Variants in ALMS1 observed in about 807,000 individuals in gnomAD.
The protein encoded by ALMS1 is centrosome-associated protein ALMS1.
In ALMS1, 271 loss-of-function variants were observed where a neutral mutation model predicts 352.2. The observed-to-expected ratio is 0.77, with a 90% CI of 0.70 to 0.85. The LOEUF (loss-of-function observed/expected upper bound fraction) is 0.85. Ranked by LOEUF, ALMS1 falls within the 40% of genes least tolerant of loss-of-function variation. ALMS1 has a pLI of 0.00. For synonymous variants in ALMS1, 1,865 were observed against 1,761.2 expected, an observed-to-expected ratio of 1.06 and a Z score of -1.48; for missense variants, 5,445 against 4,870.7, an observed-to-expected ratio of 1.12 and a Z score of -3.51.
intron 9 of ALMS1, chr2:73,458,814 G>T (rs1438980362): frequency 6.6e-6 from 1 of 152,190 alleles, no homozygotes. Flanking sequence ...GTTCTTGACG[G>T]GTAGTAAATG....
chr2:73,544,670 G>C (rs1674274774), intron 12 of ALMS1, among the ~76,000 whole-genome samples: 2 of 152,078 alleles, frequency 1.3e-5, no homozygotes, highest in Non-Finnish European at 2.9e-5. Flanking sequence ...ATTAAACATA[G>C]AATTATAGTA....
At chr2:73,592,228 C>G (rs149898077) in intron 16 of ALMS1, among the ~76,000 whole-genome samples, 1 of 152,314 alleles carries the variant, frequency 6.6e-6, no homozygotes, top group East Asian at 1.9e-4. Flanking sequence ...TTCTGATCAA[C>G]CACACTGGCA....
rs146669152 is a variant in ALMS1 at position 73,452,355 on chromosome 2, G to A, written c.5828G>A (p.Arg1943His). 151 of 1,613,690 alleles carry A rather than the reference G, an allele frequency of 9.4e-5. No homozygotes were observed. The East Asian group carries it at 3.1e-3, about 33-fold the overall frequency. Residue 1943 changes from arginine to histidine, a missense_variant, in exon 8 of 23, where the codon CGT becomes CAT. Transcript: ENST00000613296. ...IPTVPLSYYS[R>H]REKPSVISQQ... ...ACAGTACCTTTAAGTTACTACTCAC[G>A]TAGAGAGAAGCCCAGTGTTATCTCT...
intron 18 of ALMS1, 70 bp downstream of exon 18, chr2:73,600,951 TG>T: frequency 6.5e-7 from 1 of 1,532,376 alleles, no homozygotes; most frequent in Non-Finnish European, 8.9e-7. Context: ...ATGCTGACTC[TG>T]TGTTTCCAAG....
intron 1 of ALMS1, among the ~76,000 whole-genome samples, chr2:73,397,177 A>G (rs1670781218): frequency 6.6e-6 from 1 of 152,114 alleles, no homozygotes; most frequent in Non-Finnish European, 1.5e-5. Flanking sequence ...AAGTTGTCGC[A>G]TTGCACCTCC....
intron 1 of ALMS1, among the ~76,000 whole-genome samples, chr2:73,401,796 C>A (rs1670876955): frequency 6.6e-6 from 1 of 151,994 alleles, no homozygotes; most frequent in African/African-American, 2.4e-5. Context: ...ACTTGCTGAT[C>A]CATCATACCT....
At chr2:73,535,552 T>C (rs1490263753) in intron 12 of ALMS1, among the ~76,000 whole-genome samples, 1 of 152,192 alleles carries the variant, frequency 6.6e-6, no homozygotes, top group Non-Finnish European at 1.5e-5. Flanking sequence ...CACAACAGCA[T>C]TGAAAAGAAC....
chr2:73,419,416 C>A, intron 3 of ALMS1, 98 bp downstream of exon 3: 1 of 1,154,080 alleles, frequency 8.7e-7, no homozygotes, highest in Non-Finnish European at 1.3e-6. Flanking sequence ...AGTTAAGGAG[C>A]TCTGTAGAGA....
intron 21 of ALMS1, 141 bp downstream of exon 21, chr2:73,603,445 T>G (rs1282412437): frequency 4.0e-5 from 30 of 742,996 alleles, no homozygotes; most frequent in Non-Finnish European, 3.8e-5. Flanking sequence ...ATTTCTCACT[T>G]ATGGCACTGA....
rs749795126 is a variant in ALMS1, at chr2:73,557,209, C to CGT, written c.10079-10_10079-9dup. 3.1e-6 allele frequency: 5 copies of CGT among 1,613,864 alleles called. No individual in the cohort carries two copies. The highest frequency in any genetic ancestry group is 1.6e-4 in the Middle Eastern group (1 of 6,062). On this transcript the variant is annotated splice_polypyrimidine_tract_variant and intron_variant, in intron 13 of 22. Transcript: ENST00000613296. ...TTCCTTTTCTGAAATCAAATGATGTCGTTATTCCAGATGCCTCAGTTCAAG... is the reference window on the plus strand; with the variant it reads ...TTCCTTTTCTGAAATCAAATGATGTCGTGTTATTCCAGATGCCTCAGTTCAAG...
At chr2:73,530,822 C>A (rs1673894541) in intron 11 of ALMS1, among the ~76,000 whole-genome samples, 1 of 152,254 alleles carries the variant, frequency 6.6e-6, no homozygotes, top group Admixed American at 6.5e-5. Flanking sequence ...AGGCCCAACA[C>A]CACGTGAAAC....
At chr2:73,593,108 C>T (rs1477152423) in intron 16 of ALMS1, among the ~76,000 whole-genome samples, 3 of 32,552 alleles carry the variant, frequency 9.2e-5, no homozygotes, top group Non-Finnish European at 1.9e-4. Context: ...ATGAGGAGAT[C>T]ATTAGAGATG....
At chr2:73,458,758 G>C (rs1672125849) in intron 9 of ALMS1, 1 of 152,324 alleles carries the variant, frequency 6.6e-6, no homozygotes, top group South Asian at 2.1e-4. Flanking sequence ...CAGTGTGTTT[G>C]GAGAGTGAGA....
At chr2:73,389,765 C>T (rs1315381016) in intron 1 of ALMS1, among the ~76,000 whole-genome samples, 1 of 152,132 alleles carries the variant, frequency 6.6e-6, no homozygotes, top group African/African-American at 2.4e-5. Context: ...TCTTGGTTCA[C>T]TGCAACCTCT....
intron 1 of ALMS1, among the ~76,000 whole-genome samples, chr2:73,392,496 A>G (rs979484259): frequency 1.3e-5 from 2 of 152,134 alleles, no homozygotes; most frequent in African/African-American, 4.8e-5. Flanking sequence ...AACCCCATAC[A>G]CTTTAGCTGA....
rs746138259 is a variant in ALMS1 at position 73,550,276 on chromosome 2, A to G, written c.9917A>G (p.Asp3306Gly). 7.4e-6 allele frequency: 12 copies of G among 1,614,030 alleles called. No homozygotes were observed. In the South Asian group the frequency reaches 1.2e-4, roughly 16 times the overall value. Residue 3306 changes from aspartate to glycine, a missense_variant, in exon 13 of 23, where the codon GAT becomes GGT. Asp to Gly is a moderately conservative substitution (Grantham distance 94). Transcript: ENST00000613296. ...CCCCGTTTTTCTGTAGGATCCAATG[A>G]TGCCATTGCTCCAGACTTCCCAGCT... is the stretch of plus-strand genomic sequence containing the variant. ...TVESSHSGSNDAIAPDFPAQV... is the reference protein window; with the variant it reads ...TVESSHSGSNGAIAPDFPAQV...
chr2:73,386,489 G>T (rs919433151), intron 1 of ALMS1, among the ~76,000 whole-genome samples: 5 of 152,206 alleles, frequency 3.3e-5, no homozygotes, highest in African/African-American at 1.2e-4. Flanking sequence ...GACCACGGGT[G>T]TGTCGAGCCT....
intron 5 of ALMS1, among the ~76,000 whole-genome samples, chr2:73,425,153 G>A (rs1035464962): frequency 1.3e-4 from 20 of 152,022 alleles, no homozygotes; most frequent in African/African-American, 4.1e-4. Flanking sequence ...GAGGAAAAGG[G>A]GTTCCCTTGA....
chr2:73,406,306 T>G (rs1670970995), intron 1 of ALMS1, among the ~76,000 whole-genome samples: 1 of 152,168 alleles, frequency 6.6e-6, no homozygotes, highest in Non-Finnish European at 1.5e-5. Flanking sequence ...GTTGCCGCTA[T>G]TGCTCTCTTT....
Sources: gnomAD v4.1 joint callset for allele counts (sites outside exome capture counted in the v4.1 genomes callset) on GRCh38, gnomAD v4.1.1 for gene constraint, MANE v1.5 for transcripts, NCBI Gene and HGNC (gene_info 2026-07-23, HGNC 2026-07-21) for gene names.